Variants in DDX60L observed in about 807,000 individuals in gnomAD.
DDX60L encodes DExD/H-box 60 like.
In DDX60L, 191 loss-of-function variants were observed where a neutral mutation model predicts 211.6. The ratio of observed to expected loss-of-function variants is 0.90; its 90% CI spans 0.80 to 1.02. DDX60L has a LOEUF of 1.02. Among genes scored for constraint, DDX60L ranks in the 50% least tolerant of loss-of-function variants. The pLI, the probability that DDX60L is intolerant of heterozygous loss-of-function variation, is 0.00. For synonymous variants in DDX60L, 706 were observed against 694.1 expected (o/e 1.02, Z -0.27); for missense variants, 2,007 against 1,984.1 (o/e 1.01, Z -0.22).
intron 22 of DDX60L, among the ~76,000 whole-genome samples, chr4:168,413,139 T>A (rs1579470313): frequency 1.3e-5 from 2 of 152,172 alleles, no homozygotes; most frequent in South Asian, 4.2e-4. Context: ...TCAATGAATA[T>A]CCACAAGCAT....
chr4:168,409,914 C>T (rs1419901531), intron 22 of DDX60L, among the ~76,000 whole-genome samples: 1 of 151,910 alleles, frequency 6.6e-6, no homozygotes, highest in Non-Finnish European at 1.5e-5. Flanking sequence ...AATTATAGTA[C>T]ATTTATTATA....
At chr4:168,388,414 A>AAT (rs2149710694) in intron 29 of DDX60L, among the ~76,000 whole-genome samples, 1 of 152,234 alleles carries the variant, frequency 6.6e-6, no homozygotes, top group Admixed American at 6.5e-5. Flanking sequence ...ACAAGAAATA[A>AAT]ATATATATAT....
intron 4 of DDX60L, among the ~76,000 whole-genome samples, chr4:168,464,127 T>A (rs1179288832): frequency 1.3e-5 from 2 of 152,172 alleles, no homozygotes; most frequent in Non-Finnish European, 2.9e-5. Context: ...TAAGTATCTA[T>A]TGTTGCAAAT....
At chr4:168,383,666 CA>C in intron 30 of DDX60L, among the ~76,000 whole-genome samples, 1 of 152,154 alleles carries the variant, frequency 6.6e-6, no homozygotes, top group South Asian at 2.1e-4. Flanking sequence ...GGGAGTGAGA[CA>C]TGACTGCTGT....
Position 168,375,423 on chromosome 4 carries a change from C to T in DDX60L, c.4587G>A (p.Lys1529=), listed in dbSNP as rs748128495. 22 of 1,612,804 alleles carry T rather than the reference C, an allele frequency of 1.4e-5. No homozygotes were observed. In the South Asian group the frequency reaches 2.0e-4, roughly 15 times the overall value. ...GATGCTCTTTTTTCATGTTCACCGA[C>T]TTGGAAGCAATCAGCAGGAAGGAGG... ...DFASFLLIAS[K]SVNMKKEHQL... The change falls in exon 34 of 38, where the codon AAG becomes AAA. Residue 1529 remains lysine (K), a synonymous_variant. Transcript: ENST00000682922.
intron 36 of DDX60L, among the ~76,000 whole-genome samples, chr4:168,363,839 T>C (rs1739497075): frequency 6.6e-6 from 1 of 152,192 alleles, no homozygotes; most frequent in African/African-American, 2.4e-5. Flanking sequence ...AAATGGCAGA[T>C]GTAAGTTCTT....
Position 168,405,955 on chromosome 4 carries a change from T to C in DDX60L, c.3208A>G (p.Lys1070Glu), listed in dbSNP as rs776003909. 6.4e-7 allele frequency: 1 copy of C among 1,567,440 alleles called. No individual in the cohort carries two copies. The highest frequency in any genetic ancestry group is 2.3e-5 in the East Asian group (1 of 42,704). ...LTNWIKNGQVKKVKRVLKNLS... is the reference protein window; with the variant it reads ...LTNWIKNGQVEKVKRVLKNLS... ...CAAGAAAGTGTGAAAATTACCTTCT[T>C]CACTTGGCCATTTTTAATCCAATTT... is the stretch of plus-strand genomic sequence containing the variant. Residue 1070 changes from lysine to glutamate, a missense_variant, in exon 24 of 38, where the codon AAG becomes GAG. By Grantham distance (56) the Lys-to-Glu change is moderately conservative (BLOSUM62 1). Coordinates refer to ENST00000682922, the MANE Select transcript of DDX60L (RefSeq NM_001012967.3).
Position 168,357,250 on chromosome 4 carries a change from G to A in DDX60L, c.*897C>T, listed in dbSNP as rs1377662713. 6 of 152,122 alleles carry A rather than the reference G, an allele frequency of 3.9e-5. No individual in the cohort carries two copies. The highest frequency in any genetic ancestry group is 2.9e-5 in the Non-Finnish European group (2 of 68,028). The allele number at this position is 152,122 out of a possible 1,614,324, so 9.4% of individuals were successfully genotyped here. A position where few individuals can be genotyped will look rare whatever the true frequency, so the allele number is the denominator to read the frequency against. ...TTAAACAAAATCTATCATTGCTATT[G>A]AACAAAACAGTTGAATCAGCATGTT... On this transcript the variant is annotated 3_prime_UTR_variant, in exon 38 of 38. Transcript: ENST00000682922.
intron 22 of DDX60L, among the ~76,000 whole-genome samples, chr4:168,409,176 A>G (rs1405341471): frequency 1.3e-5 from 2 of 152,346 alleles, no homozygotes; most frequent in South Asian, 2.1e-4. Flanking sequence ...TTACTTTACA[A>G]AAGTAAAGTA....
intron 26 of DDX60L, among the ~76,000 whole-genome samples, chr4:168,398,848 A>G (rs1472251155): frequency 1.3e-5 from 2 of 151,324 alleles, no homozygotes; most frequent in Non-Finnish European, 1.5e-5. Context: ...CATCTCTGCT[A>G]AAAGCTGAGG....
chr4:168,448,558 C>T (rs969752193), intron 9 of DDX60L, 80 bp downstream of exon 9: 3 of 1,066,472 alleles, frequency 2.8e-6, no homozygotes, highest in Non-Finnish European at 4.0e-6. Context: ...AAAAATGTTG[C>T]TGTGGTATGT....
intron 3 of DDX60L, 77 bp from the exon 4 acceptor site, chr4:168,472,013 G>A: frequency 8.1e-7 from 1 of 1,227,640 alleles, no homozygotes; most frequent in Non-Finnish European, 1.1e-6. Context: ...TACTATTATT[G>A]CATAAGCTAC....
At chr4:168,381,428 C>G (rs1185647877) in intron 30 of DDX60L, among the ~76,000 whole-genome samples, 1 of 152,056 alleles carries the variant, frequency 6.6e-6, no homozygotes, top group African/African-American at 2.4e-5. Flanking sequence ...TATATGCCAC[C>G]ATACCCAGCC....
chr4:168,425,536 T>G lies in DDX60L; in HGVS notation c.1930+1534A>C, dbSNP rs1423344644. Among the ~76,000 whole-genome samples, 3 of 152,184 alleles carry G rather than the reference T, an allele frequency of 2.0e-5. No homozygotes were observed. In the South Asian group the frequency reaches 6.2e-4, roughly 32 times the overall value. The stretch of plus-strand genomic sequence containing the variant: ...TAGCTCTTTGGGACGCCCTGGCGGA[T>G]AGATCACCTGAGGTCAGGAGTTCAA... On this transcript the variant is annotated intron_variant, in intron 14 of 37. Transcript: ENST00000682922.
intron 8 of DDX60L, among the ~76,000 whole-genome samples, chr4:168,450,312 A>G (rs1485633766): frequency 6.6e-6 from 1 of 152,138 alleles, no homozygotes; most frequent in Non-Finnish European, 1.5e-5. Context: ...ACTCAGTGCA[A>G]GAAGACAGCT....
rs552299517 is a variant in DDX60L at position 168,449,381 on chromosome 4, C to T, written c.997-602G>A. ...ATCGCAAGATCAAAAAACCAAACAC[C>T]GCATATTCTCACTCATAGGTGGGAA... On this transcript the variant is annotated intron_variant, in intron 8 of 37. Coordinates refer to ENST00000682922, the MANE Select transcript of DDX60L (RefSeq NM_001012967.3). Among the ~76,000 whole-genome samples, 862 of 137,046 alleles carry T rather than the reference C, an allele frequency of 6.3e-3. 12 individuals carry two copies. Among genetic ancestry groups the T allele is most frequent in the African/African-American group, 0.02 (696 of 35,268 alleles). The allele number at this position is 137,046 out of a possible 152,430, so 89.9% of individuals were successfully genotyped here.
chr4:168,422,024 G>A lies in DDX60L; in HGVS notation c.2245-115C>T, dbSNP rs1750718678. 1.6e-5 allele frequency: 20 copies of A among 1,280,026 alleles called. No homozygotes were observed. In the South Asian group the frequency reaches 2.5e-4, roughly 16 times the overall value. The allele number at this position is 1,280,026 out of a possible 1,614,324, so 79.3% of individuals were successfully genotyped here. On this transcript the variant is annotated intron_variant, in intron 16 of 37. Coordinates refer to ENST00000682922, the MANE Select transcript of DDX60L (RefSeq NM_001012967.3). ...TGCCTGTATTATGCTACCTTTGGGG[G>A]AACTCCCTGAACCCCTGAAGATTAG...
intron 22 of DDX60L, among the ~76,000 whole-genome samples, chr4:168,409,367 C>T (rs1748291100): frequency 1.3e-5 from 2 of 152,182 alleles, no homozygotes; most frequent in African/African-American, 4.8e-5. Context: ...CCACTGTACT[C>T]ACAAATGCTT....
rs1275502832 is a variant in DDX60L, at chr4:168,457,890, AC to A, written c.723+1del. The A allele has an allele frequency of 6.8e-7, 1 of 1,480,072 alleles. No homozygotes were observed. The highest frequency in any genetic ancestry group is 9.1e-7 in the Non-Finnish European group (1 of 1,104,448). 91.7% of individuals were successfully genotyped at this position (1,480,072 alleles called of 1,614,324 possible). A position where few individuals can be genotyped will look rare whatever the true frequency, so the allele number is the denominator to read the frequency against. Reference sequence around the variant, plus strand: ...TATTTAAAGAAATAAAAATTTTAATACCTCTTCCATCATATCATTCCATTTC... The same window carrying A: ...TATTTAAAGAAATAAAAATTTTAATACTCTTCCATCATATCATTCCATTTC... On this transcript the variant is annotated splice_donor_variant, in intron 6 of 37. Coordinates refer to ENST00000682922, the MANE Select transcript of DDX60L (RefSeq NM_001012967.3). LOFTEE classifies it high-confidence loss of function.
Sources: allele counts gnomAD v4.1 joint callset (sites outside exome capture counted in the v4.1 genomes callset), GRCh38; gene constraint gnomAD v4.1.1; transcripts MANE v1.5; gene names NCBI Gene and HGNC (gene_info 2026-07-23, HGNC 2026-07-21).